The following NRXN2 variants were observed in gnomAD, a reference collection of about 807,000 sequenced individuals.
NRXN2 encodes neurexin-2-beta.
Under a neutral mutation model 128.8 loss-of-function variants are expected in NRXN2, and 29 were observed. The observed-to-expected ratio is 0.23, with a 90% confidence interval of 0.17 to 0.31. The LOEUF is 0.31. Ranked by LOEUF, NRXN2 falls within the 10% of genes least tolerant of loss-of-function variation. The pLI is 1.00. For synonymous variants in NRXN2, 1,098 were observed against 1,075.2 expected (o/e 1.02, Z -0.41); for missense variants, 1,881 against 2,452.6 (o/e 0.77, Z 4.92).
intron 22 of NRXN2, among the ~76,000 whole-genome samples, chr11:64,609,757 C>A (rs71579895): frequency 6.6e-6 from 1 of 152,178 alleles, no homozygotes; most frequent in Non-Finnish European, 1.5e-5. Flanking sequence ...CTGGGCCTGA[C>A]GAGGGTTGGA....
intron 2 of NRXN2, 169 bp downstream of exon 2, chr11:64,712,801 C>T (rs1223290186): frequency 5.4e-6 from 4 of 735,444 alleles, no homozygotes; most frequent in Non-Finnish European, 2.4e-6. Flanking sequence ...ACCCCACGCG[C>T]CCTCGCCCGG....
intron 1 of NRXN2, among the ~76,000 whole-genome samples, chr11:64,718,588 G>T (rs1338630721): frequency 6.6e-6 from 1 of 152,170 alleles, no homozygotes. Context: ...CTCGGGGGGT[G>T]GTGAGTTCCC....
At position 64,622,895 on chromosome 11, in the gene NRXN2, G is replaced by C; in HGVS notation, c.4031C>G (p.Pro1344Arg). 6.2e-7 allele frequency: 1 copy of C among 1,613,030 alleles called. No homozygotes were observed. The highest frequency in any genetic ancestry group is 2.2e-5 in the East Asian group (1 of 44,860). Reference protein sequence around the residue: ...EGHLRLVGEGPSVLLSAETTA... With the variant: ...EGHLRLVGEGRSVLLSAETTA... ...GGTCTCCGCACTGAGCAGCACGGAC[G>C]GCCCCTCCCCCACCAGGCGCAGGTG... Residue 1344 changes from proline to arginine, a missense_variant, in exon 21 of 23, where the codon CCG becomes CGG. Physicochemically the swap from Pro to Arg is moderately radical, Grantham distance 103. This residue lies in a region of NRXN2 where 108 missense variants were observed against 165.2 expected (regional missense o/e 0.65). Transcript: ENST00000265459. The surrounding 1 kb of genome is among the most constrained non-coding windows in gnomAD (Gnocchi z 4.3).
At chr11:64,619,305 A>G (rs1392649629) in intron 22 of NRXN2, among the ~76,000 whole-genome samples, 4 of 151,562 alleles carry the variant, frequency 2.6e-5, no homozygotes, top group Non-Finnish European at 5.9e-5. Context: ...ACACTCCTCC[A>G]CTGGGAAATC....
chr11:64,607,869 G>T lies in NRXN2; in HGVS notation c.4466C>A (p.Pro1489His). 1.9e-6 allele frequency: 3 copies of T among 1,591,258 alleles called. No individual in the cohort carries two copies. Among genetic ancestry groups the T allele is most frequent in the Non-Finnish European group, 2.6e-6 (3 of 1,169,620 alleles). The change falls in exon 23 of 23, where the codon CCC (proline) becomes CAC (histidine). Residue 1489 changes from proline to histidine, a missense_variant. By Grantham distance (77) the Pro-to-His change is moderately conservative. Around this residue, in one of 7 missense-constraint regions of NRXN2, gnomAD observed 310 missense variants for 318.2 expected, o/e 0.97. Transcript: ENST00000265459. ...GGAGGCGAAGCCCGAGGCCTCGATG[G>T]GCTCCTCGCAGTCGCTGTCGTCCCG... Reference protein sequence around the residue: ...AERDDSDCEEPIEASGFASGE... With the variant: ...AERDDSDCEEHIEASGFASGE...
chr11:64,610,784 G>A (rs2040504810), intron 22 of NRXN2, among the ~76,000 whole-genome samples: 1 of 152,192 alleles, frequency 6.6e-6, no homozygotes, highest in Middle Eastern at 3.2e-3. Context: ...GCTCTCAGGA[G>A]GGTTGGCAGC....
chr11:64,627,192 G>A (rs1484569549), intron 19 of NRXN2, among the ~76,000 whole-genome samples: 1 of 151,094 alleles, frequency 6.6e-6, no homozygotes, highest in Non-Finnish European at 1.5e-5. Context: ...CCACACCCAT[G>A]ACCCCCCTTA....
intron 17 of NRXN2, chr11:64,637,344 G>A (rs1181046163): frequency 6.6e-6 from 1 of 152,248 alleles, no homozygotes; most frequent in Non-Finnish European, 1.5e-5. Flanking sequence ...CCAAGTCGAG[G>A]GCGGAGAGTT....
At chr11:64,689,456 TCAATCAGCCC>T (rs1330231380) in intron 5 of NRXN2, among the ~76,000 whole-genome samples, 2 of 152,272 alleles carry the variant, frequency 1.3e-5, no homozygotes, top group African/African-American at 2.4e-5. Context: ...TGTTAGAACA[TCAATCAGCCC>T]CTTAGTAACA....
rs1371181776 is a variant in NRXN2 at position 64,713,421 on chromosome 11, A to C, written c.279T>G (p.Leu93=). The part of the protein sequence containing the change: ...VDGRLRLRFT[L]SCAEPATLQL... The stretch of plus-strand genomic sequence containing the variant: ...GCAGCGTGGCCGGCTCGGCGCACGA[A>C]AGCGTGAAGCGCAGCCGCAGGCGGC... Residue 93 remains leucine, a synonymous_variant, in exon 2 of 23, where the codon CTT becomes CTG. Transcript: ENST00000265459. 1 of 1,500,994 alleles carries C rather than the reference A, an allele frequency of 6.7e-7. No individual in the cohort carries two copies. Among genetic ancestry groups the C allele is most frequent in the Non-Finnish European group, 8.8e-7 (1 of 1,131,676 alleles). 93.0% of individuals were successfully genotyped at this position (1,500,994 alleles called of 1,614,324 possible). A position where few individuals can be genotyped will look rare whatever the true frequency, so the allele number is the denominator to read the frequency against.
In NRXN2 at chr11:64,651,182, A is replaced by G. The variant is rs2135454138; in HGVS notation, c.2918+73T>C. ...GGATTGGACACCTCGGCCAGTAGCC[A>G]GGAGAGCTGTATGTGGTTCAGCAGG... On this transcript the variant is annotated intron_variant, in intron 14 of 22. Coordinates refer to ENST00000265459, the MANE Select transcript of NRXN2 (RefSeq NM_015080.4). The surrounding 1 kb of genome is among the most constrained non-coding windows in gnomAD (Gnocchi z 5.9). 6.3e-7 allele frequency: 1 copy of G among 1,598,802 alleles called. No individual in the cohort carries two copies. Among genetic ancestry groups the G allele is most frequent in the African/African-American group, 1.3e-5 (1 of 74,822 alleles).
chr11:64,608,281 G>T (rs966851887), intron 22 of NRXN2, among the ~76,000 whole-genome samples, 199 bp from the exon 23 acceptor site: 5 of 152,160 alleles, frequency 3.3e-5, no homozygotes, highest in Non-Finnish European at 7.4e-5. Context: ...GATGCCCTGG[G>T]CACCCCACGC....
chr11:64,651,172 G>T lies in NRXN2; in HGVS notation c.2918+83C>A. The T allele has an allele frequency of 1.3e-6, 2 of 1,582,338 alleles. No homozygotes were observed. The highest frequency in any genetic ancestry group is 8.6e-7 in the Non-Finnish European group (1 of 1,158,900). Reference sequence around the variant, plus strand: ...TGATCTGGGGGGATTGGACACCTCGGCCAGTAGCCAGGAGAGCTGTATGTG... The same window carrying T: ...TGATCTGGGGGGATTGGACACCTCGTCCAGTAGCCAGGAGAGCTGTATGTG... On this transcript the variant is annotated intron_variant, in intron 14 of 22. Coordinates refer to ENST00000265459, the MANE Select transcript of NRXN2 (RefSeq NM_015080.4). The surrounding 1 kb of genome is among the most constrained non-coding windows in gnomAD (Gnocchi z 5.9).
chr11:64,659,094 C>T (rs2048668380), intron 11 of NRXN2, among the ~76,000 whole-genome samples: 1 of 152,216 alleles, frequency 6.6e-6, no homozygotes, highest in Non-Finnish European at 1.5e-5. Context: ...CAGAAGAGCC[C>T]TGCTTCCCCT....
Position 64,622,591 on chromosome 11 carries a change from A to C in NRXN2, c.4173+162T>G, listed in dbSNP as rs1344157686. 5 of 497,234 alleles carry C rather than the reference A, an allele frequency of 1.0e-5. No individual in the cohort carries two copies. The African/African-American group carries it at 1.0e-4, about 10-fold the overall frequency. The allele number at this position is 497,234 out of a possible 1,614,324, so 30.8% of individuals were successfully genotyped here. The stretch of plus-strand genomic sequence containing the variant: ...GGTGAAGGCCACTTCCTGAAAGGTG[A>C]CCTTGCCCATCGCCATGGCAACAAA... On this transcript the variant is annotated intron_variant, in intron 21 of 22. Transcript: ENST00000265459. This position sits in a 1 kb window ranked among gnomAD's most constrained non-coding sequence, Gnocchi z 4.3.
intron 6 of NRXN2, among the ~76,000 whole-genome samples, chr11:64,681,999 C>A (rs1057129972): frequency 5.3e-5 from 8 of 151,898 alleles, no homozygotes; most frequent in African/African-American, 1.9e-4. Flanking sequence ...CAGGGGTCTC[C>A]CCATCCTTAA....
chr11:64,642,671 G>C, intron 17 of NRXN2: 3 of 1,555,842 alleles, frequency 1.9e-6, no homozygotes, highest in Non-Finnish European at 2.6e-6. Context: ...GCCGCCCCCA[G>C]CAGCAACAGC....
intron 2 of NRXN2, among the ~76,000 whole-genome samples, chr11:64,709,853 C>T (rs1394676393): frequency 6.6e-6 from 1 of 151,798 alleles, no homozygotes; most frequent in Non-Finnish European, 1.5e-5. Context: ...ACACAAGCAA[C>T]CCTGCCCCTA....
chr11:64,607,872 T>A lies in NRXN2; in HGVS notation c.4463A>T (p.Glu1488Val). ...QAERDDSDCE[E>V]PIEASGFASG... ...GGCGAAGCCCGAGGCCTCGATGGGC[T>A]CCTCGCAGTCGCTGTCGTCCCGCTC... Residue 1488 changes from glutamate (E) to valine (V), a missense_variant, in exon 23 of 23, where the codon GAG becomes GTG. Physicochemically the swap from Glu to Val is moderately radical, Grantham distance 121. Around this residue, in one of 7 missense-constraint regions of NRXN2, gnomAD observed 310 missense variants for 318.2 expected, o/e 0.97. Transcript: ENST00000265459. 1 of 1,588,452 alleles carries A rather than the reference T, an allele frequency of 6.3e-7. No homozygotes were observed. Among genetic ancestry groups the A allele is most frequent in the Non-Finnish European group, 8.6e-7 (1 of 1,168,374 alleles).
Sources: gnomAD v4.1 joint callset for allele counts (sites outside exome capture counted in the v4.1 genomes callset) on GRCh38, gnomAD v4.1.1 for gene constraint, gnomAD v4.1.1 regional missense constraint, Gnocchi (gnomAD v3.1) non-coding constraint, MANE v1.5 for transcripts, NCBI Gene and HGNC (gene_info 2026-07-23, HGNC 2026-07-21) for gene names.